The following COL6A6 variants were observed in gnomAD, a reference collection of about 807,000 sequenced individuals.
COL6A6 encodes the protein collagen alpha-6(VI) chain.
COL6A6 carries 183 observed loss-of-function variants against 208.6 expected under a neutral mutation model. The observed-to-expected ratio is 0.88, with a 90% CI of 0.78 to 0.99. The LOEUF (loss-of-function observed/expected upper bound fraction) is 0.99. COL6A6 is among the 50% of genes least tolerant of loss of function. COL6A6 has a pLI of 0.00. For missense variants in COL6A6, 2,816 were observed against 2,815.2 expected (o/e 1.00, Z -0.01); for synonymous variants, 973 against 1,011.8 (o/e 0.96, Z 0.73).
In COL6A6 at chr3:130,571,376, G is replaced by T; in HGVS notation, c.2960G>T (p.Cys987Phe). ...TTTTCAGATGTGACAGCCAGTGTCT[G>T]CAACTCTTCAAAAGTAGGTAAGTTT... ...GIFSDVTASVCNSSKVDCEID... is the reference protein window; with the variant it reads ...GIFSDVTASVFNSSKVDCEID... The change falls in exon 7 of 37, where the codon TGC becomes TTC. Residue 987 changes from cysteine to phenylalanine, a missense_variant. By Grantham distance (205) the Cys-to-Phe change is radical. Transcript: ENST00000358511. 6.4e-7 allele frequency: 1 copy of T among 1,571,776 alleles called. No individual in the cohort carries two copies. Among genetic ancestry groups the T allele is most frequent in the Non-Finnish European group, 8.6e-7 (1 of 1,161,200 alleles).
At chr3:130,667,278 C>T (rs1576428386) in intron 36 of COL6A6, among the ~76,000 whole-genome samples, 1 of 152,168 alleles carries the variant, frequency 6.6e-6, no homozygotes. Flanking sequence ...ACTCTGTCGC[C>T]CAGGCTGGCG....
At chr3:130,634,518 T>C in intron 26 of COL6A6, 72 bp from the exon 27 acceptor site, 8 of 1,366,272 alleles carry the variant, frequency 5.9e-6, no homozygotes, top group Non-Finnish European at 8.2e-6. Flanking sequence ...GGGCAGCAGG[T>C]AAATTGAAAA....
chr3:130,582,268 A>G (rs1297411096), intron 10 of COL6A6, among the ~76,000 whole-genome samples, 200 bp downstream of exon 10: 1 of 152,206 alleles, frequency 6.6e-6, no homozygotes, highest in African/African-American at 2.4e-5. Context: ...CCTCATGTGT[A>G]TGAAACAGCA....
intron 8 of COL6A6, among the ~76,000 whole-genome samples, chr3:130,581,043 A>G (rs1267374598): frequency 6.6e-6 from 1 of 152,084 alleles, no homozygotes; most frequent in Non-Finnish European, 1.5e-5. Flanking sequence ...TTAGAAGACA[A>G]CAAGAGGAAT....
intron 18 of COL6A6, among the ~76,000 whole-genome samples, chr3:130,596,336 T>C (rs1427488108): frequency 6.6e-6 from 1 of 152,206 alleles, no homozygotes; most frequent in Non-Finnish European, 1.5e-5. Flanking sequence ...GGCATTGCTA[T>C]ATAACCTCCA....
At chr3:130,654,940 C>G (rs957228948) in intron 33 of COL6A6, among the ~76,000 whole-genome samples, 2 of 152,122 alleles carry the variant, frequency 1.3e-5, no homozygotes, top group African/African-American at 2.4e-5. Flanking sequence ...GGTCTTCATA[C>G]ACTCTGAGTC....
At chr3:130,599,713 A>G (rs974627493) in intron 19 of COL6A6, 44 bp from the exon 20 acceptor site, 9 of 1,605,700 alleles carry the variant, frequency 5.6e-6, no homozygotes, top group African/African-American at 4.0e-5. Flanking sequence ...AACTCTGTCA[A>G]TGCTGCATAA....
intron 36 of COL6A6, among the ~76,000 whole-genome samples, chr3:130,668,237 G>C (rs1486938300): frequency 2.6e-5 from 4 of 152,088 alleles, no homozygotes; most frequent in African/African-American, 9.7e-5. Context: ...AGCACTTTGG[G>C]AGGCCGAGGC....
intron 3 of COL6A6, 37 bp from the exon 4 acceptor site, chr3:130,564,957 C>T (rs2062979193): frequency 1.9e-6 from 3 of 1,594,140 alleles, no homozygotes; most frequent in Non-Finnish European, 1.7e-6. Context: ...GCTGAACCAC[C>T]AGCTAAAATT....
chr3:130,586,724 C>T, intron 11 of COL6A6, 64 bp downstream of exon 11: 1 of 1,457,770 alleles, frequency 6.9e-7, no homozygotes, highest in Non-Finnish European at 9.3e-7. Context: ...AAGTTTAATA[C>T]TTATGCTTAA....
intron 11 of COL6A6, among the ~76,000 whole-genome samples, 170 bp from the exon 12 acceptor site, chr3:130,588,917 CAAA>C (rs58377635): frequency 2.6e-4 from 18 of 68,244 alleles, no homozygotes; most frequent in Non-Finnish European, 3.8e-4. Flanking sequence ...AAGATGGAAG[CAAA>C]AAAAAAAAAA....
Position 130,558,903 on chromosome 3 carries a change from T to A in COL6A6, c.-31-1431T>A, listed in dbSNP as rs552712198. Among the ~76,000 whole-genome samples the A allele has an allele frequency of 2.0e-5, 3 of 152,298 alleles. No homozygotes were observed. The South Asian group carries it at 6.2e-4, about 32-fold the overall frequency. On this transcript the variant is annotated intron_variant, in intron 1 of 36. Coordinates refer to ENST00000358511, the MANE Select transcript of COL6A6 (RefSeq NM_001102608.3). Reference sequence around the variant, plus strand: ...GTTTAATCTGCAGGGTAACTGAGTTTTAAAGGTTTTGGAGTCAGGCAGATG... The same window carrying A: ...GTTTAATCTGCAGGGTAACTGAGTTATAAAGGTTTTGGAGTCAGGCAGATG...
chr3:130,626,424 G>A (rs2064887205), intron 24 of COL6A6, 61 bp from the exon 25 acceptor site: 1 of 1,154,982 alleles, frequency 8.7e-7, no homozygotes, highest in Non-Finnish European at 1.3e-6. Flanking sequence ...CCACACAGAT[G>A]AGCTGAATTA....
intron 11 of COL6A6, among the ~76,000 whole-genome samples, chr3:130,588,188 A>G (rs879335939): frequency 1.3e-5 from 2 of 152,246 alleles, no homozygotes; most frequent in Admixed American, 6.5e-5. Context: ...GAAAAGGAAC[A>G]TTATATAGTA....
intron 19 of COL6A6, among the ~76,000 whole-genome samples, chr3:130,599,203 A>T (rs2063934121): frequency 6.6e-6 from 1 of 152,170 alleles, no homozygotes; most frequent in East Asian, 1.9e-4. Flanking sequence ...TTCAGTAAAT[A>T]TTATCTGCCA....
chr3:130,604,581 T>C (rs2064128185), intron 20 of COL6A6, among the ~76,000 whole-genome samples: 1 of 152,160 alleles, frequency 6.6e-6, no homozygotes, highest in Non-Finnish European at 1.5e-5. Flanking sequence ...TTTGTGTGAA[T>C]GGTGGATTAA....
At chr3:130,659,174 A>AT (rs2065877672) in intron 34 of COL6A6, among the ~76,000 whole-genome samples, 1 of 152,220 alleles carries the variant, frequency 6.6e-6, no homozygotes, top group Non-Finnish European at 1.5e-5. Context: ...GCTTAGGAAT[A>AT]TTTTTTAGTA....
At chr3:130,563,748 A>G in intron 3 of COL6A6, 84 bp downstream of exon 3, 1 of 915,762 alleles carries the variant, frequency 1.1e-6, no homozygotes, top group Non-Finnish European at 1.7e-6. Context: ...TTCTATGAAT[A>G]TTCCTATCCC....
intron 11 of COL6A6, among the ~76,000 whole-genome samples, chr3:130,587,853 T>G (rs1451736470): frequency 2.6e-5 from 4 of 152,122 alleles, no homozygotes; most frequent in African/African-American, 9.7e-5. Flanking sequence ...GAAGACAGTG[T>G]TTTTACAAAA....
Sources: allele counts gnomAD v4.1 joint callset (sites outside exome capture counted in the v4.1 genomes callset), GRCh38; gene constraint gnomAD v4.1.1; transcripts MANE v1.5; gene names NCBI Gene and HGNC (gene_info 2026-07-23, HGNC 2026-07-21).